PPP2R2B: variants seen among roughly 807,000 people sequenced by gnomAD.
The protein encoded by PPP2R2B is protein phosphatase 2 regulatory subunit Bbeta.
A neutral mutation model predicts 46.0 loss-of-function variants in PPP2R2B; 5 were observed. The ratio of observed to expected loss-of-function variants is 0.11; its 90% CI spans 0.06 to 0.23. PPP2R2B has a LOEUF of 0.23. Among genes scored for constraint, PPP2R2B ranks in the 10% least tolerant of loss-of-function variants. PPP2R2B has a pLI of 1.00. For missense variants in PPP2R2B, 367 were observed against 575.0 expected, an observed-to-expected ratio of 0.64 and a Z score of 3.70; for synonymous variants, 215 against 206.7, an observed-to-expected ratio of 1.04 and a Z score of -0.34.
At chr5:147,068,719 A>G (rs905413664) in intron 2 of PPP2R2B, among the ~76,000 whole-genome samples, 5 of 152,330 alleles carry the variant, frequency 3.3e-5, no homozygotes, top group Non-Finnish European at 7.4e-5. Context: ...ATTCTGAACC[A>G]TGTGTGAATA....
intron 1 of PPP2R2B, among the ~76,000 whole-genome samples, chr5:146,940,543 G>A (rs369877585): frequency 2.6e-5 from 4 of 150,982 alleles, no homozygotes; most frequent in South Asian, 4.2e-4. Flanking sequence ...TACTGCCCAA[G>A]GAGAACATAT....
At chr5:147,022,156 A>G (rs1755301197) in intron 1 of PPP2R2B, among the ~76,000 whole-genome samples, 1 of 152,182 alleles carries the variant, frequency 6.6e-6, no homozygotes, top group South Asian at 2.1e-4. Context: ...ATAAATGAAC[A>G]GAACATAAGT....
chr5:146,978,956 T>TA (rs1400683090), intron 1 of PPP2R2B, among the ~76,000 whole-genome samples: 4 of 152,212 alleles, frequency 2.6e-5, no homozygotes. Flanking sequence ...AAAATCTTAT[T>TA]AAAATGTTAG....
Position 146,787,225 on chromosome 5 carries a change from G to A in PPP2R2B, c.71-86083C>T, listed in dbSNP as rs538493008. Among the ~76,000 whole-genome samples, 36 of 152,288 alleles carry A rather than the reference G, an allele frequency of 2.4e-4. No individual in the cohort carries two copies. In the South Asian group the frequency reaches 6.4e-3, roughly 27 times the overall value. On this transcript the variant is annotated intron_variant, in intron 2 of 9. Coordinates refer to ENST00000394411, the MANE Select transcript of PPP2R2B (RefSeq NM_181675.4). ...TCCATGAGGGGAGCAGGCTGGAAGG[G>A]AAATATGGCAACCTGGAATACTCCT...
chr5:146,856,035 G>A (rs1206023764), intron 2 of PPP2R2B, among the ~76,000 whole-genome samples: 1 of 152,108 alleles, frequency 6.6e-6, no homozygotes, highest in African/African-American at 2.4e-5. Context: ...TATATTCAAA[G>A]TAAGATGCCC....
At chr5:146,870,731 G>C (rs909098967) in intron 2 of PPP2R2B, among the ~76,000 whole-genome samples, 1 of 152,056 alleles carries the variant, frequency 6.6e-6, no homozygotes, top group Non-Finnish European at 1.5e-5. Flanking sequence ...GTTCATAAGG[G>C]CCCCTCTAGA....
At chr5:146,709,983 T>C (rs900284554) in intron 2 of PPP2R2B, among the ~76,000 whole-genome samples, 2 of 152,206 alleles carry the variant, frequency 1.3e-5, no homozygotes, top group African/African-American at 4.8e-5. Flanking sequence ...TTACAACATA[T>C]TTGCACAAAC....
intron 1 of PPP2R2B, among the ~76,000 whole-genome samples, chr5:147,008,198 T>C (rs1409884745): frequency 1.3e-5 from 2 of 152,072 alleles, no homozygotes; most frequent in Non-Finnish European, 2.9e-5. Flanking sequence ...CCATGGTTTG[T>C]GTAAATGTAG....
At chr5:146,664,672 T>G (rs762488694) in intron 5 of PPP2R2B, among the ~76,000 whole-genome samples, 18 of 152,204 alleles carry the variant, frequency 1.2e-4, no homozygotes, top group Non-Finnish European at 2.5e-4. Context: ...TGAATGTTCT[T>G]AATGGCACCT....
chr5:146,920,749 G>A (rs1200360692), intron 1 of PPP2R2B, among the ~76,000 whole-genome samples: 3 of 152,074 alleles, frequency 2.0e-5, no homozygotes, highest in Non-Finnish European at 2.9e-5. Context: ...ACACTGTTGT[G>A]TCCTTTTATG....
chr5:146,731,280 T>C (rs1752212009), intron 2 of PPP2R2B, among the ~76,000 whole-genome samples: 2 of 152,242 alleles, frequency 1.3e-5, no homozygotes, highest in African/African-American at 4.8e-5. Context: ...GCACTTAAAA[T>C]GGCTGCAAAA....
intron 1 of PPP2R2B, among the ~76,000 whole-genome samples, chr5:147,043,535 T>C (rs530718055): frequency 3.5e-4 from 54 of 152,168 alleles, no homozygotes; most frequent in Middle Eastern, 3.4e-3. Context: ...GAAAATAAAC[T>C]ACTGTTGTTT....
chr5:146,730,155 A>T (rs1752141050), intron 2 of PPP2R2B, among the ~76,000 whole-genome samples: 1 of 152,200 alleles, frequency 6.6e-6, no homozygotes, highest in African/African-American at 2.4e-5. Context: ...GTCAAAGGAG[A>T]TCATTTTGGA....
intron 6 of PPP2R2B, 28 bp from the exon 7 acceptor site, chr5:146,638,443 C>A (rs1774967257): frequency 6.4e-7 from 1 of 1,555,292 alleles, no homozygotes; most frequent in Non-Finnish European, 8.8e-7. Flanking sequence ...AGGAAGGAAC[C>A]AGGAGAAGGA....
At chr5:146,835,607 C>T (rs1281860902) in intron 2 of PPP2R2B, among the ~76,000 whole-genome samples, 1 of 152,134 alleles carries the variant, frequency 6.6e-6, no homozygotes, top group Non-Finnish European at 1.5e-5. Flanking sequence ...TCAGTGTATT[C>T]CAGCTCTCAC....
At chr5:146,931,494 A>G (rs1221791853) in intron 1 of PPP2R2B, among the ~76,000 whole-genome samples, 1 of 152,154 alleles carries the variant, frequency 6.6e-6, no homozygotes, top group Non-Finnish European at 1.5e-5. Flanking sequence ...TATAGCACCA[A>G]TTCAAAGATT....
chr5:146,976,361 T>C (rs1242215593), intron 1 of PPP2R2B, among the ~76,000 whole-genome samples: 2 of 152,050 alleles, frequency 1.3e-5, no homozygotes, highest in Non-Finnish European at 2.9e-5. Flanking sequence ...GGTCTCGAAC[T>C]CCTGGCCTCA....
chr5:146,972,595 C>G lies in PPP2R2B; in HGVS notation c.79+83070G>C, dbSNP rs1752708842. Among the ~76,000 whole-genome samples, 3 of 151,906 alleles carry G rather than the reference C, an allele frequency of 2.0e-5. No homozygotes were observed. The South Asian group carries it at 6.2e-4, about 32-fold the overall frequency. ...GGCATGGTGGTGGGTGCCTGTAATC[C>G]CAGCTACTCAAGAGGCTGAGGCAGG... On this transcript the variant is annotated intron_variant, in intron 1 of 8. Transcript: ENST00000336640.
chr5:147,053,393 A>C (rs192055374), intron 1 of PPP2R2B, among the ~76,000 whole-genome samples: 3 of 152,226 alleles, frequency 2.0e-5, no homozygotes, highest in East Asian at 3.9e-4. Flanking sequence ...TCTCTTAAGG[A>C]GATTGTTTGG....
Sources: allele counts gnomAD v4.1 joint callset (sites outside exome capture counted in the v4.1 genomes callset), GRCh38; gene constraint gnomAD v4.1.1; transcripts MANE v1.5; gene names NCBI Gene and HGNC (gene_info 2026-07-23, HGNC 2026-07-21).